MARCHF1: variants seen among roughly 807,000 people sequenced by gnomAD.
MARCHF1 encodes the protein membrane associated ring-CH-type finger 1, also known as E3 ubiquitin-protein ligase MARCHF1.
In MARCHF1, 40 loss-of-function variants were observed where a neutral mutation model predicts 54.2. That is an observed-to-expected ratio of 0.74 (90% CI 0.57 to 0.96). The LOEUF is 0.96. Ranked by LOEUF, MARCHF1 falls within the 40% of genes least tolerant of loss-of-function variation. The pLI, the probability that MARCHF1 is intolerant of heterozygous loss-of-function variation, is 0.00. For synonymous variants in MARCHF1, 236 were observed against 236.3 expected, an observed-to-expected ratio of 1.00 and a Z score of 0.01; for missense variants, 586 against 656.5, an observed-to-expected ratio of 0.89 and a Z score of 1.17.
At chr4:163,835,751 T>C (rs1749162700) in intron 4 of MARCHF1, among the ~76,000 whole-genome samples, 1 of 152,226 alleles carries the variant, frequency 6.6e-6, no homozygotes, top group African/African-American at 2.4e-5. Context: ...TCATGAGTAA[T>C]GCACTCATAT....
intron 7 of MARCHF1, among the ~76,000 whole-genome samples, chr4:163,599,038 C>G (rs1241144894): frequency 6.6e-6 from 1 of 152,076 alleles, no homozygotes; most frequent in East Asian, 1.9e-4. Flanking sequence ...CCTGTAATCC[C>G]AGCACTTTGG....
At chr4:163,752,088 T>G (rs1379967140) in intron 4 of MARCHF1, among the ~76,000 whole-genome samples, 2 of 152,180 alleles carry the variant, frequency 1.3e-5, no homozygotes, top group African/African-American at 4.8e-5. Context: ...TAACTCATAG[T>G]GGAATTTTTC....
chr4:163,812,111 A>G (rs1240791972), intron 4 of MARCHF1, among the ~76,000 whole-genome samples: 6 of 128,464 alleles, frequency 4.7e-5, no homozygotes, highest in Non-Finnish European at 1.0e-4. Flanking sequence ...AAGCCATCAG[A>G]CCCTGGTGGG....
intron 3 of MARCHF1, among the ~76,000 whole-genome samples, chr4:163,898,763 T>C (rs1248967179): frequency 1.3e-5 from 2 of 152,098 alleles, no homozygotes; most frequent in Non-Finnish European, 2.9e-5. Flanking sequence ...CTACTGACAA[T>C]ACCAAAGTCA....
intron 2 of MARCHF1, among the ~76,000 whole-genome samples, chr4:164,028,820 A>G (rs1753821367): frequency 6.6e-6 from 1 of 152,222 alleles, no homozygotes; most frequent in African/African-American, 2.4e-5. Flanking sequence ...TCATCTCACC[A>G]TACACTGCAG....
intron 5 of MARCHF1, among the ~76,000 whole-genome samples, chr4:163,692,503 G>A (rs1200459262): frequency 1.3e-5 from 2 of 152,144 alleles, no homozygotes; most frequent in Non-Finnish European, 2.9e-5. Context: ...GGAACAAGAG[G>A]AAGTCAGTGT....
intron 3 of MARCHF1, among the ~76,000 whole-genome samples, chr4:163,967,705 T>C (rs1752471575): frequency 6.6e-6 from 1 of 152,158 alleles, no homozygotes; most frequent in Admixed American, 6.6e-5. Flanking sequence ...TCTATTGATA[T>C]GTACATAAAG....
intron 3 of MARCHF1, among the ~76,000 whole-genome samples, chr4:163,901,995 G>T (rs1276033468): frequency 1.3e-5 from 2 of 152,128 alleles, no homozygotes; most frequent in African/African-American, 4.8e-5. Flanking sequence ...ATAACTGCTG[G>T]ATGAACAAGA....
chr4:163,673,787 T>C lies in MARCHF1; in HGVS notation c.162+27026A>G, dbSNP rs1743812857. Among the ~76,000 whole-genome samples, 4 of 152,248 alleles carry C rather than the reference T, an allele frequency of 2.6e-5. No homozygotes were observed. In the South Asian group the frequency reaches 8.3e-4, roughly 32 times the overall value. ...TAATTCATGAATTGGAGCTGGAGAATACAAACAGTATTGTTTCAAATCAAA... is the reference window on the plus strand; with the variant it reads ...TAATTCATGAATTGGAGCTGGAGAACACAAACAGTATTGTTTCAAATCAAA... On this transcript the variant is annotated intron_variant, in intron 5 of 9. Transcript: ENST00000514618.
intron 2 of MARCHF1, among the ~76,000 whole-genome samples, chr4:164,003,631 G>C (rs982641321): frequency 6.6e-6 from 1 of 151,978 alleles, no homozygotes; most frequent in Non-Finnish European, 1.5e-5. Flanking sequence ...AAAAAGTCAA[G>C]AAACAATGAA....
At chr4:164,100,951 A>C (rs544018721) in intron 2 of MARCHF1, among the ~76,000 whole-genome samples, 1 of 152,332 alleles carries the variant, frequency 6.6e-6, no homozygotes, top group East Asian at 1.9e-4. Flanking sequence ...CTCACTTGGG[A>C]AGCGCAAGAG....
chr4:164,211,256 A>G lies in MARCHF1; in HGVS notation c.-322-99594T>C, dbSNP rs183737120. On this transcript the variant is annotated intron_variant, in intron 1 of 9. Coordinates refer to ENST00000514618, the MANE Select transcript of MARCHF1 (RefSeq NM_001394959.1). ...AGTAGTTGAGGTGGTAGATATGTTA[A>G]TAAGCTTGATTTAATCTTTATGTAT... is the stretch of plus-strand genomic sequence containing the variant. Among the ~76,000 whole-genome samples, 53 of 135,050 alleles carry G rather than the reference A, an allele frequency of 3.9e-4. 1 individual carries two copies. In the East Asian group the frequency reaches 0.011, roughly 29 times the overall value. 88.6% of individuals were successfully genotyped at this position (135,050 alleles called of 152,430 possible). A position where few individuals can be genotyped will look rare whatever the true frequency, so the allele number is the denominator to read the frequency against.
At chr4:163,538,909 G>A (rs1356067920) in intron 9 of MARCHF1, among the ~76,000 whole-genome samples, 1 of 152,166 alleles carries the variant, frequency 6.6e-6, no homozygotes, top group East Asian at 1.9e-4. Context: ...TTGGTCATAT[G>A]ACCTGCTTTG....
At chr4:164,208,920 A>T (rs1175916371) in intron 1 of MARCHF1, among the ~76,000 whole-genome samples, 1 of 152,030 alleles carries the variant, frequency 6.6e-6, no homozygotes, top group Non-Finnish European at 1.5e-5. Flanking sequence ...ACTCTAGTTT[A>T]GGCAACAGAG....
chr4:164,076,132 T>A lies in MARCHF1; in HGVS notation c.-248+35456A>T, dbSNP rs1259625004. Reference sequence around the variant, plus strand: ...GACCCAAAGAATTCAAACAAATAATTTTCTAACAACAACAACAACAACAAC... The same window carrying A: ...GACCCAAAGAATTCAAACAAATAATATTCTAACAACAACAACAACAACAAC... On this transcript the variant is annotated intron_variant, in intron 2 of 9. Transcript: ENST00000514618. Among the ~76,000 whole-genome samples the A allele has an allele frequency of 4.4e-5, 4 of 90,356 alleles. No homozygotes were observed. The Admixed American group carries it at 5.7e-4, about 13-fold the overall frequency. 59.3% of individuals were successfully genotyped at this position (90,356 alleles called of 152,430 possible).
At chr4:163,929,174 T>A (rs1560823239) in intron 3 of MARCHF1, among the ~76,000 whole-genome samples, 1 of 152,058 alleles carries the variant, frequency 6.6e-6, no homozygotes, top group East Asian at 1.9e-4. Flanking sequence ...AATCTTGATA[T>A]TTAAAATTAT....
intron 5 of MARCHF1, among the ~76,000 whole-genome samples, chr4:163,661,933 T>C (rs572399999): frequency 6.6e-6 from 1 of 152,230 alleles, no homozygotes; most frequent in South Asian, 2.1e-4. Flanking sequence ...CAATTGATGG[T>C]TGACTGGATA....
At chr4:163,634,193 G>T (rs1742221993) in intron 5 of MARCHF1, among the ~76,000 whole-genome samples, 1 of 151,912 alleles carries the variant, frequency 6.6e-6, no homozygotes, top group Admixed American at 6.5e-5. Context: ...ATCAACTAAT[G>T]AGCAAAATAA....
chr4:163,758,260 A>C (rs571551258), intron 4 of MARCHF1, among the ~76,000 whole-genome samples: 1 of 152,286 alleles, frequency 6.6e-6, no homozygotes, highest in Admixed American at 6.5e-5. Flanking sequence ...ATAATTCCAA[A>C]AAGTTACATT....
Sources: allele counts gnomAD v4.1 joint callset (sites outside exome capture counted in the v4.1 genomes callset), GRCh38; gene constraint gnomAD v4.1.1; transcripts MANE v1.5; gene names NCBI Gene and HGNC (gene_info 2026-07-23, HGNC 2026-07-21).